Variants in GSDMC observed in about 807,000 individuals in gnomAD.
The protein encoded by GSDMC is gasdermin-C.
In GSDMC, 59 loss-of-function variants were observed where a neutral mutation model predicts 58.0. That is an observed-to-expected ratio of 1.02 (90% CI 0.82 to 1.26). The LOEUF (loss-of-function observed/expected upper bound fraction) is 1.26. Ranked by LOEUF, GSDMC falls within the 50% of genes most tolerant of loss-of-function variation. The pLI, the probability that GSDMC is intolerant of heterozygous loss-of-function variation, is 0.00. For missense variants in GSDMC, 659 were observed against 598.5 expected, an observed-to-expected ratio of 1.10 and a Z score of -1.06; for synonymous variants, 241 against 220.2, an observed-to-expected ratio of 1.09 and a Z score of -0.83.
intron 3 of GSDMC, among the ~76,000 whole-genome samples, chr8:129,768,044 G>A (rs1302011386): frequency 6.6e-6 from 1 of 152,140 alleles, no homozygotes; most frequent in African/African-American, 2.4e-5. Context: ...TGAATGCAGA[G>A]CCCAGCCAAC....
In GSDMC at chr8:129,768,284, G is replaced by A. The variant is rs193220641; in HGVS notation, c.405-2491C>T. Among the ~76,000 whole-genome samples, 427 of 152,314 alleles carry A rather than the reference G, an allele frequency of 2.8e-3. 5 individuals are homozygous for A. Among genetic ancestry groups the A allele is most frequent in the African/African-American group, 8.8e-3 (367 of 41,554 alleles). On this transcript the variant is annotated intron_variant, in intron 3 of 13. Transcript: ENST00000276708. ...CCTGTTAAGGCTAGAAGAGGTGGCT[G>A]CTGCCTCAAAAGCACAAAAAGAAAT...
chr8:129,752,299 A>T (rs1319922062), intron 7 of GSDMC, 152 bp from the exon 8 acceptor site: 5 of 686,926 alleles, frequency 7.3e-6, no homozygotes, highest in Non-Finnish European at 1.3e-5. Context: ...AAACTTCCCC[A>T]GAGAGATGGA....
At chr8:129,747,547 A>G (rs2032994348), downstream of GSDMC, among the ~76,000 whole-genome samples, 2 of 152,224 alleles carry the variant, frequency 1.3e-5, no homozygotes, top group African/African-American at 2.4e-5. Flanking sequence ...GATTCTGATG[A>G]GACGTCATAT....
chr8:129,715,728 T>G, the GSDMC span, among the ~76,000 whole-genome samples: 1 of 152,190 alleles, frequency 6.6e-6, no homozygotes, highest in Non-Finnish European at 1.5e-5. Flanking sequence ...GACGGAAATG[T>G]GGATCTACGC....
At chr8:129,726,104 C>A in the GSDMC span, among the ~76,000 whole-genome samples, 1 of 152,322 alleles carries the variant, frequency 6.6e-6, no homozygotes, top group East Asian at 1.9e-4. Context: ...AGATTTATCA[C>A]AGAATCCATA....
chr8:129,723,770 A>G, the GSDMC span, among the ~76,000 whole-genome samples: 1 of 152,152 alleles, frequency 6.6e-6, no homozygotes, highest in African/African-American at 2.4e-5. Flanking sequence ...AAGTGATTGG[A>G]TTGCACCCCT....
At chr8:129,712,465 AG>A in the GSDMC span, among the ~76,000 whole-genome samples, 1 of 152,168 alleles carries the variant, frequency 6.6e-6, no homozygotes, top group African/African-American at 2.4e-5. Flanking sequence ...CAGGGTTACC[AG>A]CAGTCACAGG....
At chr8:129,714,798 T>C in the GSDMC span, among the ~76,000 whole-genome samples, 1 of 152,054 alleles carries the variant, frequency 6.6e-6, no homozygotes, top group Non-Finnish European at 1.5e-5. Flanking sequence ...AGAGGAATTA[T>C]ATCAAAAGGA....
At position 129,769,456 on chromosome 8, in the gene GSDMC, G is replaced by T. The variant is rs779591982; in HGVS notation, c.405-3663C>A. Among the ~76,000 whole-genome samples, 5 of 152,298 alleles carry T rather than the reference G, an allele frequency of 3.3e-5. No homozygotes were observed. In the South Asian group the frequency reaches 1.0e-3, roughly 32 times the overall value. On this transcript the variant is annotated intron_variant, in intron 3 of 13. Coordinates refer to ENST00000276708, the MANE Select transcript of GSDMC (RefSeq NM_031415.3). Reference sequence around the variant, plus strand: ...ACTGGCTAAATTATATATAACTGAAGTTTATTTGGCTCATGATTTTGGAGG... The same window carrying T: ...ACTGGCTAAATTATATATAACTGAATTTTATTTGGCTCATGATTTTGGAGG...
chr8:129,729,774 T>G, the GSDMC span: 1 of 611,416 alleles, frequency 1.6e-6, no homozygotes, highest in East Asian at 2.9e-5. Flanking sequence ...TAAACATATG[T>G]GAGGCACATG....
the GSDMC span, among the ~76,000 whole-genome samples, chr8:129,736,422 A>T: frequency 6.6e-6 from 1 of 152,228 alleles, no homozygotes; most frequent in Non-Finnish European, 1.5e-5. Context: ...CCAGCAGCAC[A>T]TCAAAAAGCT....
the GSDMC span, among the ~76,000 whole-genome samples, chr8:129,712,194 C>T: frequency 6.6e-6 from 1 of 152,186 alleles, no homozygotes; most frequent in Non-Finnish European, 1.5e-5. Flanking sequence ...AGCAAAGTGT[C>T]TAACATGTAG....
intron 6 of GSDMC, among the ~76,000 whole-genome samples, chr8:129,753,475 GC>G (rs911311118): frequency 3.3e-5 from 5 of 152,170 alleles, no homozygotes; most frequent in Admixed American, 1.3e-4. Context: ...GAACCATTGG[GC>G]CCTAAATAAC....
chr8:129,762,402 T>A (rs2033699092), intron 5 of GSDMC, among the ~76,000 whole-genome samples: 1 of 152,192 alleles, frequency 6.6e-6, no homozygotes, highest in African/African-American at 2.4e-5. Flanking sequence ...TACCAGACTG[T>A]CTGTATCTGT....
At chr8:129,752,993 A>G (rs77197571) in intron 6 of GSDMC, 173 bp from the exon 7 acceptor site, 64,633 of 1,233,542 alleles carry the variant, frequency 0.052, 2,357 homozygotes, top group East Asian at 0.17. Flanking sequence ...TCAGAACTCA[A>G]GTTTCTTGGC....
chr8:129,708,058 A>G, the GSDMC span, among the ~76,000 whole-genome samples: 1 of 152,156 alleles, frequency 6.6e-6, no homozygotes, highest in Non-Finnish European at 1.5e-5. Flanking sequence ...TACTGTGGAC[A>G]CCCATACTGT....
At chr8:129,733,086 G>A in the GSDMC span, among the ~76,000 whole-genome samples, 8 of 152,234 alleles carry the variant, frequency 5.3e-5, no homozygotes, top group South Asian at 2.1e-4. Context: ...GTCAACCTGC[G>A]AGGCAGCAAC....
chr8:129,753,581 T>C (rs1007235388), intron 6 of GSDMC, among the ~76,000 whole-genome samples: 10 of 152,132 alleles, frequency 6.6e-5, no homozygotes, highest in Non-Finnish European at 1.3e-4. Flanking sequence ...GCGGTGGCTA[T>C]GGTGAAAGAC....
intron 5 of GSDMC, among the ~76,000 whole-genome samples, chr8:129,762,178 T>C (rs1377757611): frequency 6.6e-6 from 1 of 152,214 alleles, no homozygotes; most frequent in African/African-American, 2.4e-5. Flanking sequence ...TTCTGACTTA[T>C]GTTCTTAGGA....
Sources: gnomAD v4.1 joint callset for allele counts (sites outside exome capture counted in the v4.1 genomes callset) on GRCh38, gnomAD v4.1.1 for gene constraint, MANE v1.5 for transcripts, NCBI Gene and HGNC (gene_info 2026-07-23, HGNC 2026-07-21) for gene names.